MAP2K6: variants seen among roughly 807,000 people sequenced by gnomAD.
The protein encoded by MAP2K6 is mitogen-activated protein kinase kinase 6, also known as dual specificity mitogen-activated protein kinase kinase 6.
A neutral mutation model predicts 53.7 loss-of-function variants in MAP2K6; 16 were observed. The observed-to-expected ratio is 0.30, with a 90% CI of 0.20 to 0.45. MAP2K6 has a LOEUF of 0.45. MAP2K6 is among the 20% of genes least tolerant of loss of function. The pLI, the probability that MAP2K6 is intolerant of heterozygous loss-of-function variation, is 1.00. For missense variants in MAP2K6, 204 were observed against 411.9 expected (o/e 0.50, Z 4.37); for synonymous variants, 132 against 143.1 (o/e 0.92, Z 0.55).
chr17:69,493,029 G>GAGGATCAAATGAAGATGTCTAC (rs1489207129), intron 1 of MAP2K6, among the ~76,000 whole-genome samples: 22 of 152,126 alleles, frequency 1.4e-4, no homozygotes, highest in Non-Finnish European at 2.8e-4. Flanking sequence ...CTCTTAAAGT[G>GAGGATCAAATGAAGATGTCTAC]AGGATCAAAT....
At chr17:69,490,779 T>C (rs1908713370) in intron 1 of MAP2K6, among the ~76,000 whole-genome samples, 2 of 152,070 alleles carry the variant, frequency 1.3e-5, no homozygotes, top group Non-Finnish European at 2.9e-5. Flanking sequence ...GGTAGACTTG[T>C]GTCATGGGGA....
chr17:69,536,747 G>A lies in MAP2K6; in HGVS notation c.927+587G>A, dbSNP rs74549295. Among the ~76,000 whole-genome samples the A allele has an allele frequency of 2.6e-3, 397 of 152,318 alleles. 1 individual carries two copies. Among genetic ancestry groups the A allele is most frequent in the African/African-American group, 9.3e-3 (386 of 41,570 alleles). On this transcript the variant is annotated intron_variant, in intron 11 of 11. Transcript: ENST00000590474. ...CAAGAGTGAAGAAAGTAATATCTTAGCATTGTTTGTTGTATTAAAATAACG... is the reference window on the plus strand; with the variant it reads ...CAAGAGTGAAGAAAGTAATATCTTAACATTGTTTGTTGTATTAAAATAACG...
chr17:69,521,820 A>G (rs796514657), intron 7 of MAP2K6: 1 of 144,340 alleles, frequency 6.9e-6, no homozygotes, highest in East Asian at 2.0e-4. Context: ...AAAAAAAAAA[A>G]AAAAAAAAAA....
chr17:69,467,408 G>A lies in MAP2K6; in HGVS notation c.17-38372G>A, dbSNP rs560881215. Among the ~76,000 whole-genome samples the A allele has an allele frequency of 2.6e-5, 4 of 152,340 alleles. No homozygotes were observed. The South Asian group carries it at 8.3e-4, about 32-fold the overall frequency. Reference sequence around the variant, plus strand: ...TTGGCTGATGTTTGTTAGGAAGTGGGCCATCTGTAGCCAGGAAGGCTTGAG... The same window carrying A: ...TTGGCTGATGTTTGTTAGGAAGTGGACCATCTGTAGCCAGGAAGGCTTGAG... On this transcript the variant is annotated intron_variant, in intron 1 of 11. Transcript: ENST00000590474.
intron 1 of MAP2K6, among the ~76,000 whole-genome samples, chr17:69,495,491 C>A (rs1212557079): frequency 6.6e-6 from 1 of 152,156 alleles, no homozygotes; most frequent in Non-Finnish European, 1.5e-5. Context: ...TCGCCTCAGC[C>A]TCCCAAAGTG....
chr17:69,519,563 G>A, intron 5 of MAP2K6, 131 bp downstream of exon 5: 1 of 1,084,208 alleles, frequency 9.2e-7, no homozygotes, highest in Non-Finnish European at 1.3e-6. Flanking sequence ...GGGTTTACGT[G>A]TGTGCAATGA....
chr17:69,468,498 A>G (rs895748192), intron 1 of MAP2K6, among the ~76,000 whole-genome samples: 1 of 152,248 alleles, frequency 6.6e-6, no homozygotes, highest in African/African-American at 2.4e-5. Context: ...GTACGCAAAC[A>G]TAACTAATGT....
chr17:69,495,740 T>A (rs1908923291), intron 1 of MAP2K6, among the ~76,000 whole-genome samples: 1 of 150,262 alleles, frequency 6.7e-6, no homozygotes, highest in Non-Finnish European at 1.5e-5. Flanking sequence ...AAAAAAAAAA[T>A]ACTTATTTTT....
At chr17:69,421,599 T>C (rs1200526086) in intron 1 of MAP2K6, among the ~76,000 whole-genome samples, 1 of 151,228 alleles carries the variant, frequency 6.6e-6, no homozygotes, top group Admixed American at 6.6e-5. Context: ...AGTGCAGTGG[T>C]GCGATCTCAG....
chr17:69,455,099 G>A (rs537232692), intron 1 of MAP2K6, among the ~76,000 whole-genome samples: 1 of 151,674 alleles, frequency 6.6e-6, no homozygotes, highest in African/African-American at 2.4e-5. Context: ...TTCCAGCTAG[G>A]AGCAAACTAT....
chr17:69,509,673 C>G (rs2716211), intron 2 of MAP2K6, among the ~76,000 whole-genome samples: 79,454 of 151,828 alleles, frequency 0.52, 21,938 homozygotes, highest in African/African-American at 0.71. Flanking sequence ...TAATAAAGTT[C>G]ATGAGAGCAG....
intron 10 of MAP2K6, among the ~76,000 whole-genome samples, chr17:69,529,868 T>C (rs1316446691): frequency 6.6e-6 from 1 of 152,146 alleles, no homozygotes; most frequent in Non-Finnish European, 1.5e-5. Context: ...ACCGGCATCA[T>C]TGCTCTTCAT....
At chr17:69,529,079 G>C (rs1194627186) in intron 10 of MAP2K6, among the ~76,000 whole-genome samples, 1 of 152,070 alleles carries the variant, frequency 6.6e-6, no homozygotes, top group Non-Finnish European at 1.5e-5. Context: ...GTTTGAGAAA[G>C]CTGAGTCTAC....
chr17:69,473,050 G>A (rs549082679), intron 1 of MAP2K6, among the ~76,000 whole-genome samples: 6 of 152,292 alleles, frequency 3.9e-5, no homozygotes, highest in African/African-American at 1.4e-4. Context: ...TTTCACTTCA[G>A]TGTTAATATT....
chr17:69,421,222 GCTT>G (rs1433326734), intron 1 of MAP2K6, among the ~76,000 whole-genome samples: 2 of 152,100 alleles, frequency 1.3e-5, no homozygotes, highest in East Asian at 1.9e-4. Context: ...TTCTTCTTGT[GCTT>G]CTTCTTTGTT....
intron 2 of MAP2K6, among the ~76,000 whole-genome samples, chr17:69,511,108 G>A (rs1450705760): frequency 6.6e-6 from 1 of 151,914 alleles, no homozygotes; most frequent in Non-Finnish European, 1.5e-5. Context: ...ATTTCGGAAG[G>A]CTACCATAAA....
At chr17:69,462,851 T>A (rs1247776005) in intron 1 of MAP2K6, among the ~76,000 whole-genome samples, 3 of 151,944 alleles carry the variant, frequency 2.0e-5, no homozygotes, top group Non-Finnish European at 4.4e-5. Flanking sequence ...TCCCAGCACT[T>A]TGGGAGGCTG....
At position 69,547,235 on chromosome 17, in the gene MAP2K6, G is replaced by A. The variant is rs755599713; in HGVS notation, c.*5482G>A. 4.6e-5 allele frequency: 7 copies of A among 152,056 alleles called. No homozygotes were observed. The highest frequency in any genetic ancestry group is 8.8e-5 in the Non-Finnish European group (6 of 68,016). The allele number at this position is 152,056 out of a possible 1,614,324, so 9.4% of individuals were successfully genotyped here. ...GGGGGTTGCAGTTTATATACTCCAC[G>A]GGGTTAGTAGCTCTGTTCTGTAGAA... On this transcript the variant is annotated 3_prime_UTR_variant, in exon 12 of 12. Coordinates refer to ENST00000590474, the MANE Select transcript of MAP2K6 (RefSeq NM_002758.4).
At chr17:69,475,879 A>G (rs1284644939) in intron 1 of MAP2K6, among the ~76,000 whole-genome samples, 10 of 152,202 alleles carry the variant, frequency 6.6e-5, no homozygotes, top group Admixed American at 6.5e-4. Flanking sequence ...GGTATGTGAT[A>G]CATTTCTCAC....
Sources: gnomAD v4.1 joint callset for allele counts (sites outside exome capture counted in the v4.1 genomes callset) on GRCh38, gnomAD v4.1.1 for gene constraint, MANE v1.5 for transcripts, NCBI Gene and HGNC (gene_info 2026-07-23, HGNC 2026-07-21) for gene names.